SPMIP11: variants seen among roughly 807,000 people sequenced by gnomAD.
The protein encoded by SPMIP11 is long intergenic non-protein coding RNA 935.
At chr12:48,736,494 C>T in the SPMIP11 span, among the ~76,000 whole-genome samples, 1 of 152,060 alleles carries the variant, frequency 6.6e-6, no homozygotes, top group African/African-American at 2.4e-5. Flanking sequence ...ACTTCTTTCC[C>T]CAATACTTCA....
the SPMIP11 span, among the ~76,000 whole-genome samples, chr12:48,749,528 T>TGAGGCAG: frequency 4.9e-5 from 7 of 143,358 alleles, no homozygotes; most frequent in East Asian, 8.8e-4. Context: ...CTCAGGAGGC[T>TGAGGCAG]GAGGCAGGAG....
chr12:48,741,065 T>C, the SPMIP11 span, among the ~76,000 whole-genome samples: 1 of 149,078 alleles, frequency 6.7e-6, no homozygotes, highest in Non-Finnish European at 1.5e-5. Context: ...TTTCATGATA[T>C]TGACTTTTTT....
chr12:48,749,661 A>T, the SPMIP11 span, among the ~76,000 whole-genome samples: 1 of 108,898 alleles, frequency 9.2e-6, no homozygotes, highest in African/African-American at 3.4e-5. Flanking sequence ...AAAAAAAAAA[A>T]GAGTTGTTTT....
chr12:48,750,379 C>G, the SPMIP11 span, among the ~76,000 whole-genome samples: 1 of 152,114 alleles, frequency 6.6e-6, no homozygotes, highest in Non-Finnish European at 1.5e-5. Context: ...AAACAAAACC[C>G]TGCTGTATCC....
the SPMIP11 span, among the ~76,000 whole-genome samples, chr12:48,757,839 T>C: frequency 6.6e-6 from 1 of 151,242 alleles, no homozygotes; most frequent in African/African-American, 2.4e-5. Context: ...ACTAAAAATA[T>C]GAAAATTAGC....
chr12:48,738,568 T>C, the SPMIP11 span, among the ~76,000 whole-genome samples: 168 of 150,908 alleles, frequency 1.1e-3, no homozygotes, highest in Middle Eastern at 3.4e-3. Context: ...GGAGTCTCAC[T>C]CTGTCCTCCA....
chr12:48,761,019 G>A, the SPMIP11 span, among the ~76,000 whole-genome samples: 3 of 152,142 alleles, frequency 2.0e-5, no homozygotes, highest in Non-Finnish European at 4.4e-5. Flanking sequence ...GTGACTTTAG[G>A]CAAGTTCCTT....
chr12:48,757,519 G>A, the SPMIP11 span, among the ~76,000 whole-genome samples: 555 of 151,720 alleles, frequency 3.7e-3, 5 homozygotes, highest in African/African-American at 0.012. Context: ...GGTGGTGAGC[G>A]CCTGTAGTCC....
chr12:48,749,766 A>G, the SPMIP11 span, among the ~76,000 whole-genome samples: 2 of 138,742 alleles, frequency 1.4e-5, no homozygotes, highest in African/African-American at 5.5e-5. Flanking sequence ...ACCTCAGCTC[A>G]CTGCAAGCTC....
chr12:48,732,978 C>A, the SPMIP11 span, among the ~76,000 whole-genome samples: 1 of 131,752 alleles, frequency 7.6e-6, no homozygotes, highest in African/African-American at 2.9e-5. Flanking sequence ...GAGCCGAGAC[C>A]GTGCCATTGC....
chr12:48,744,789 G>A, the SPMIP11 span, among the ~76,000 whole-genome samples: 1 of 148,100 alleles, frequency 6.8e-6, no homozygotes, highest in Non-Finnish European at 1.5e-5. Context: ...GGAGGGGGAG[G>A]AGGAGGGGAA....
the SPMIP11 span, among the ~76,000 whole-genome samples, chr12:48,769,944 G>T: frequency 1.3e-5 from 2 of 151,814 alleles, no homozygotes; most frequent in African/African-American, 4.8e-5. Context: ...TGTATTTTTA[G>T]TAGAGACGGA....
the SPMIP11 span, among the ~76,000 whole-genome samples, chr12:48,735,137 C>G: frequency 6.6e-6 from 1 of 151,982 alleles, no homozygotes; most frequent in Non-Finnish European, 1.5e-5. Context: ...CCTATAACCA[C>G]CAGGAGCTAA....
At chr12:48,765,943 C>T in the SPMIP11 span, among the ~76,000 whole-genome samples, 1 of 152,120 alleles carries the variant, frequency 6.6e-6, no homozygotes, top group Non-Finnish European at 1.5e-5. Flanking sequence ...AAAGAACCGC[C>T]GGCTTCATGC....
the SPMIP11 span, among the ~76,000 whole-genome samples, chr12:48,761,213 G>A: frequency 2.4e-3 from 363 of 152,096 alleles, 3 homozygotes; most frequent in African/African-American, 8.2e-3. Context: ...TTAGGAAGAC[G>A]AGGCGGGCGG....
At chr12:48,758,248 T>C in the SPMIP11 span, among the ~76,000 whole-genome samples, 1 of 152,264 alleles carries the variant, frequency 6.6e-6, no homozygotes, top group South Asian at 2.1e-4. Flanking sequence ...AATGGAAAAC[T>C]ACACATGGTG....
the SPMIP11 span, among the ~76,000 whole-genome samples, chr12:48,765,303 T>C: frequency 2.6e-5 from 4 of 152,164 alleles, no homozygotes; most frequent in East Asian, 7.7e-4. Flanking sequence ...TCACCATCCA[T>C]TGGCAGTAGC....
At chr12:48,728,263 A>G in the SPMIP11 span, among the ~76,000 whole-genome samples, 1 of 152,184 alleles carries the variant, frequency 6.6e-6, no homozygotes, top group African/African-American at 2.4e-5. Flanking sequence ...TACATTAAAT[A>G]TGGAATGTTC....
chr12:48,750,007 A>T, the SPMIP11 span, among the ~76,000 whole-genome samples: 1 of 150,820 alleles, frequency 6.6e-6, no homozygotes, highest in African/African-American at 2.4e-5. Flanking sequence ...TGGATCTGCC[A>T]TTCTCTCTTG....
Sources: gnomAD v4.1 joint callset for allele counts (sites outside exome capture counted in the v4.1 genomes callset) on GRCh38, gnomAD v4.1.1 for gene constraint, MANE v1.5 for transcripts, NCBI Gene and HGNC (gene_info 2026-07-23, HGNC 2026-07-21) for gene names.